Variants in MYO1D observed in about 807,000 individuals in gnomAD.
MYO1D encodes the protein unconventional myosin-Id.
Under a neutral mutation model 122.0 loss-of-function variants are expected in MYO1D, and 83 were observed. That is an observed-to-expected ratio of 0.68 (90% CI 0.57 to 0.82). The LOEUF (loss-of-function observed/expected upper bound fraction) is 0.82. MYO1D is among the 40% of genes least tolerant of loss of function. MYO1D has a pLI of 0.00. For missense variants in MYO1D, 1,157 were observed against 1,269.5 expected (o/e 0.91, Z 1.35); for synonymous variants, 464 against 446.9 (o/e 1.04, Z -0.48).
intron 1 of MYO1D, among the ~76,000 whole-genome samples, chr17:32,785,119 A>G (rs1020115618): frequency 6.6e-6 from 1 of 152,188 alleles, no homozygotes; most frequent in African/African-American, 2.4e-5. Context: ...ACTGGACAGA[A>G]TCTTAAAACC....
chr17:32,626,737 CAT>C (rs747978785), intron 20 of MYO1D, among the ~76,000 whole-genome samples: 8 of 152,192 alleles, frequency 5.3e-5, no homozygotes, highest in Non-Finnish European at 7.3e-5. Context: ...CTTCTGAACA[CAT>C]GTCAGGAAAA....
rs2090165510 is a variant in MYO1D at position 32,775,780 on chromosome 17, G to A, written c.564+84C>T. 4 of 1,159,940 alleles carry A rather than the reference G, an allele frequency of 3.4e-6. No individual in the cohort carries two copies. The East Asian group carries it at 1.1e-4, about 31-fold the overall frequency. 71.9% of individuals were successfully genotyped at this position (1,159,940 alleles called of 1,614,324 possible). A position where few individuals can be genotyped will look rare whatever the true frequency, so the allele number is the denominator to read the frequency against. ...AGAATAGGATTTAAAGCTATTTTGA[G>A]TCAATAAAATAAATTCTATAAATAT... On this transcript the variant is annotated intron_variant, in intron 4 of 21. Transcript: ENST00000318217.
chr17:32,789,621 G>C (rs1284458110), intron 1 of MYO1D, among the ~76,000 whole-genome samples: 1 of 152,174 alleles, frequency 6.6e-6, no homozygotes, highest in East Asian at 1.9e-4. Context: ...TCTGGAAATA[G>C]GGTTTTTGCA....
At chr17:32,721,386 A>C (rs2089509094) in intron 14 of MYO1D, among the ~76,000 whole-genome samples, 197 bp from the exon 15 acceptor site, 1 of 152,144 alleles carries the variant, frequency 6.6e-6, no homozygotes. Flanking sequence ...ATTCAGCCAA[A>C]TTTTTGTTTA....
intron 4 of MYO1D, among the ~76,000 whole-genome samples, chr17:32,774,222 G>C (rs1025883862): frequency 3.3e-5 from 5 of 152,046 alleles, no homozygotes; most frequent in African/African-American, 7.2e-5. Flanking sequence ...TTCTTTATCC[G>C]ACCTCTCCCA....
At chr17:32,767,895 A>C (rs1318876003) in intron 6 of MYO1D, 143 bp from the exon 7 acceptor site, 4 of 595,022 alleles carry the variant, frequency 6.7e-6, no homozygotes, top group African/African-American at 1.9e-5. Flanking sequence ...GAAAATAAAA[A>C]TGATTTCACG....
rs1181920986 is a variant in MYO1D at position 32,765,939 on chromosome 17, A to G, written c.832-858T>C. On this transcript the variant is annotated intron_variant, in intron 7 of 21. Coordinates refer to ENST00000318217, the MANE Select transcript of MYO1D (RefSeq NM_015194.3). Reference sequence around the variant, plus strand: ...GGGTCTGTCACCCAGGCTGGAATGCAGTGGTGCACCATGGCTCACTGCAGC... The same window carrying G: ...GGGTCTGTCACCCAGGCTGGAATGCGGTGGTGCACCATGGCTCACTGCAGC... 2.0e-5 allele frequency among the ~76,000 whole-genome samples: 3 copies of G among 151,982 alleles called. No individual in the cohort carries two copies. In the East Asian group the frequency reaches 5.8e-4, roughly 29 times the overall value.
At chr17:32,707,658 G>T (rs528495013) in intron 16 of MYO1D, among the ~76,000 whole-genome samples, 1 of 152,318 alleles carries the variant, frequency 6.6e-6, no homozygotes, top group South Asian at 2.1e-4. Flanking sequence ...GAACTTGCTG[G>T]TCAACAGCTC....
chr17:32,699,602 C>T (rs547632137), intron 16 of MYO1D, among the ~76,000 whole-genome samples: 1 of 152,220 alleles, frequency 6.6e-6, no homozygotes, highest in South Asian at 2.1e-4. Flanking sequence ...GTATGAAGTC[C>T]TTATCTATAA....
chr17:32,620,600 C>T (rs1470237964), intron 20 of MYO1D, among the ~76,000 whole-genome samples: 6 of 152,134 alleles, frequency 3.9e-5, no homozygotes, highest in African/African-American at 1.2e-4. Context: ...GGTCCACTTT[C>T]CTCTCTCCAG....
At chr17:32,605,718 A>G (rs1290514473) in intron 20 of MYO1D, among the ~76,000 whole-genome samples, 1 of 152,212 alleles carries the variant, frequency 6.6e-6, no homozygotes, top group African/African-American at 2.4e-5. Flanking sequence ...CCACACAGAC[A>G]TTAAAAGGAT....
In MYO1D at chr17:32,503,760, T is replaced by C. The variant is rs143138701; in HGVS notation, c.2865-8845A>G. The stretch of plus-strand genomic sequence containing the variant: ...TAGGACATAATGCATGCTCTCTGGC[T>C]CACACTGAGGACAACAGCTACTGAC... On this transcript the variant is annotated intron_variant, in intron 21 of 21. Transcript: ENST00000318217. 4.0e-3 allele frequency among the ~76,000 whole-genome samples: 617 copies of C among 152,376 alleles called. 2 individuals carry two copies. The highest frequency in any genetic ancestry group is 0.014 in the African/African-American group (583 of 41,580).
intron 7 of MYO1D, among the ~76,000 whole-genome samples, chr17:32,765,382 T>C (rs2090045175): frequency 6.6e-6 from 1 of 152,196 alleles, no homozygotes; most frequent in Non-Finnish European, 1.5e-5. Context: ...CCATTCCTAC[T>C]CCAAAGGGTT....
intron 19 of MYO1D, among the ~76,000 whole-genome samples, chr17:32,645,879 A>G (rs1289769259): frequency 6.6e-6 from 1 of 152,014 alleles, no homozygotes; most frequent in Non-Finnish European, 1.5e-5. Flanking sequence ...AAGTTTGATC[A>G]TCTGAAGCCT....
chr17:32,671,537 T>C (rs1290911502), intron 16 of MYO1D, among the ~76,000 whole-genome samples: 1 of 152,234 alleles, frequency 6.6e-6, no homozygotes, highest in African/African-American at 2.4e-5. Context: ...ACAGGTATCT[T>C]TAAGGGATAG....
chr17:32,578,044 A>G (rs2087295514), intron 21 of MYO1D, among the ~76,000 whole-genome samples: 1 of 152,172 alleles, frequency 6.6e-6, no homozygotes, highest in African/African-American at 2.4e-5. Context: ...CAGCCTCAGA[A>G]ACATATTTCA....
intron 16 of MYO1D, among the ~76,000 whole-genome samples, chr17:32,708,296 C>T (rs1179060885): frequency 6.6e-6 from 1 of 152,100 alleles, no homozygotes; most frequent in Non-Finnish European, 1.5e-5. Flanking sequence ...AGAAAGATAT[C>T]AAAAAGGATG....
intron 1 of MYO1D, among the ~76,000 whole-genome samples, chr17:32,862,673 A>G (rs1779418469): frequency 6.6e-6 from 1 of 152,198 alleles, no homozygotes; most frequent in African/African-American, 2.4e-5. Context: ...AAAATGGAAA[A>G]CTTGTTGTAA....
chr17:32,592,115 T>C (rs2087444677), intron 21 of MYO1D, among the ~76,000 whole-genome samples: 1 of 152,254 alleles, frequency 6.6e-6, no homozygotes, highest in Non-Finnish European at 1.5e-5. Context: ...TGTCAAGGGC[T>C]GACTCAATAA....
Sources: allele counts gnomAD v4.1 joint callset (sites outside exome capture counted in the v4.1 genomes callset), GRCh38; gene constraint gnomAD v4.1.1; transcripts MANE v1.5; gene names NCBI Gene and HGNC (gene_info 2026-07-23, HGNC 2026-07-21).